HERC2: variants seen among roughly 807,000 people sequenced by gnomAD.
The protein encoded by HERC2 is E3 ubiquitin-protein ligase HERC2.
Under a neutral mutation model 537.7 loss-of-function variants are expected in HERC2, and 102 were observed. That is an observed-to-expected ratio of 0.19 (90% confidence interval 0.16 to 0.22). HERC2 has a LOEUF of 0.22. Among genes scored for constraint, HERC2 ranks in the 10% least tolerant of loss-of-function variants. The pLI is 1.00. For missense variants in HERC2, 4,236 were observed against 6,198.2 expected, an observed-to-expected ratio of 0.68 and a Z score of 10.63; for synonymous variants, 2,224 against 2,466.2, an observed-to-expected ratio of 0.90 and a Z score of 2.91.
rs1692822492 is a variant in HERC2, at chr15:28,265,818, A to G, written c.1755T>C (p.His585=). 1.9e-6 allele frequency: 3 copies of G among 1,614,142 alleles called. No homozygotes were observed. The highest frequency in any genetic ancestry group is 2.5e-6 in the Non-Finnish European group (3 of 1,180,012). ...CCCACTCATGCAGAGCAGACGTACC[A>G]TGGCCCAGCCGGCCGTAGTTCCCGC... ...WGRGNYGRLG[H]GSSEDEAIPM... The change falls in exon 13 of 93, where the codon CAT becomes CAC. Residue 585 remains histidine (H), a splice_region_variant and synonymous_variant. Transcript: ENST00000261609. This position sits in a 1 kb window ranked among gnomAD's most constrained non-coding sequence, Gnocchi z 4.0.
At chr15:28,201,683 A>G in intron 47 of HERC2, 129 bp from the exon 48 acceptor site, 1 of 669,892 alleles carries the variant, frequency 1.5e-6, no homozygotes, top group South Asian at 2.0e-5. Flanking sequence ...CTCTATAAAA[A>G]TCTTCATTTA....
intron 89 of HERC2, 93 bp from the exon 90 acceptor site, chr15:28,114,895 C>A: frequency 9.6e-7 from 1 of 1,040,330 alleles, no homozygotes; most frequent in East Asian, 2.6e-5. Context: ...CAAGCAGGAA[C>A]CAGGGTCAGC....
At chr15:28,114,894 A>C in intron 89 of HERC2, 92 bp from the exon 90 acceptor site, 2 of 1,087,880 alleles carry the variant, frequency 1.8e-6, no homozygotes, top group Non-Finnish European at 2.7e-6. Flanking sequence ...TCAAGCAGGA[A>C]CCAGGGTCAG....
chr15:28,183,726 C>A (rs999326127), intron 56 of HERC2, among the ~76,000 whole-genome samples: 5 of 152,166 alleles, frequency 3.3e-5, no homozygotes, highest in African/African-American at 1.2e-4. Flanking sequence ...GGCTTCCAGA[C>A]AGGTATCACT....
Position 28,292,231 on chromosome 15 carries a change from A to C in HERC2, c.322+657T>G, listed in dbSNP as rs199648519. ...GCAACAAGAGCCAAACTCCATCTCC[A>C]AAAAAAAAAAAAAAAAAAAAAACCA... is the stretch of plus-strand genomic sequence containing the variant. On this transcript the variant is annotated intron_variant, in intron 4 of 92. Transcript: ENST00000261609. Among the ~76,000 whole-genome samples, 3 of 6,364 alleles carry C rather than the reference A, an allele frequency of 4.7e-4. No homozygotes were observed. The Non-Finnish European group carries it at 0.013, about 28-fold the overall frequency. The allele number at this position is 6,364 out of a possible 152,430, so 4.2% of individuals were successfully genotyped here.
chr15:28,320,898 G>C (rs1292532022), intron 2 of HERC2, among the ~76,000 whole-genome samples: 1 of 151,984 alleles, frequency 6.6e-6, no homozygotes, highest in Non-Finnish European at 1.5e-5. Flanking sequence ...AAAACAAACA[G>C]CTCAACTGAA....
At chr15:28,253,447 T>C (rs999173994) in intron 20 of HERC2, among the ~76,000 whole-genome samples, 17 of 152,374 alleles carry the variant, frequency 1.1e-4, no homozygotes, top group Non-Finnish European at 1.6e-4. Flanking sequence ...AGAATCTTTT[T>C]ACATGTTTAC....
rs193287494 is a variant in HERC2, at chr15:28,220,314, T to C, written c.5845+138A>G. 8.8e-5 allele frequency: 68 copies of C among 770,300 alleles called. No individual in the cohort carries two copies. The African/African-American group carries it at 9.6e-4, about 11-fold the overall frequency. 47.7% of individuals were successfully genotyped at this position (770,300 alleles called of 1,614,324 possible). ...GGAGGTGCCTGGGAGCTTATTTAAA[T>C]TGCAGGCTCCGAGGACAGAGCGCCA... On this transcript the variant is annotated intron_variant, in intron 37 of 92. Transcript: ENST00000261609.
Position 28,144,810 on chromosome 15 carries a change from G to A in HERC2, c.11009-6C>T, listed in dbSNP as rs770646932. The A allele has an allele frequency of 6.2e-7, 1 of 1,614,072 alleles. No individual in the cohort carries two copies. The highest frequency in any genetic ancestry group is 1.7e-5 in the Admixed American group (1 of 60,032). On this transcript the variant is annotated splice_region_variant and splice_polypyrimidine_tract_variant and intron_variant, in intron 71 of 92. Coordinates refer to ENST00000261609, the MANE Select transcript of HERC2 (RefSeq NM_004667.6). ...CCAGTCGGACCACTCTCGGCCTGCG[G>A]GAGGAAAGCGCACCCCGGGGTTAGC...
chr15:28,285,131 G>A (rs929723171), intron 4 of HERC2, among the ~76,000 whole-genome samples: 2 of 151,942 alleles, frequency 1.3e-5, no homozygotes, highest in Non-Finnish European at 2.9e-5. Context: ...CTCTACAGCT[G>A]ATAAAATTAG....
Position 28,191,323 on chromosome 15 carries a change from G to T in HERC2, c.8452-79C>A, listed in dbSNP as rs1007249309. ...TAGCTACTACAATAGTATCGTTGAA[G>T]CTTGAATCTACATGAGATTTTTTCA... On this transcript the variant is annotated intron_variant, in intron 53 of 92. Transcript: ENST00000261609. 4.7e-6 allele frequency: 4 copies of T among 859,558 alleles called. No homozygotes were observed. In the African/African-American group the frequency reaches 5.1e-5, roughly 11 times the overall value. 53.2% of individuals were successfully genotyped at this position (859,558 alleles called of 1,614,324 possible).
intron 48 of HERC2, among the ~76,000 whole-genome samples, chr15:28,200,320 G>A (rs868031172): frequency 6.6e-6 from 1 of 152,124 alleles, no homozygotes; most frequent in Non-Finnish European, 1.5e-5. Context: ...GCATGAACCC[G>A]GGAGGCGGAG....
intron 3 of HERC2, among the ~76,000 whole-genome samples, chr15:28,296,318 A>T (rs1567133147): frequency 6.6e-6 from 1 of 152,052 alleles, no homozygotes; most frequent in Non-Finnish European, 1.5e-5. Context: ...TATTAAAAAT[A>T]CAACAATTAG....
chr15:28,145,329 C>T (rs1297159255), intron 71 of HERC2, among the ~76,000 whole-genome samples: 2 of 152,240 alleles, frequency 1.3e-5, no homozygotes, highest in Admixed American at 6.5e-5. Context: ...TGGTGTACTA[C>T]ACCTAAGATC....
chr15:28,252,648 C>T (rs1267382289), intron 20 of HERC2, among the ~76,000 whole-genome samples: 1 of 152,156 alleles, frequency 6.6e-6, no homozygotes, highest in Non-Finnish European at 1.5e-5. Context: ...TTTATGAGAA[C>T]AAATTCCAAG....
intron 67 of HERC2, among the ~76,000 whole-genome samples, chr15:28,168,080 A>G (rs910983900): frequency 6.6e-6 from 1 of 152,204 alleles, no homozygotes; most frequent in African/African-American, 2.4e-5. Flanking sequence ...AGGTCACATG[A>G]ACCAGACTAA....
intron 56 of HERC2, among the ~76,000 whole-genome samples, chr15:28,185,733 TGGCCTG>T (rs1896245473): frequency 6.6e-6 from 1 of 152,230 alleles, no homozygotes; most frequent in Non-Finnish European, 1.5e-5. Flanking sequence ...TCTGTACGTA[TGGCCTG>T]GGGGGAAGTT....
Position 28,202,509 on chromosome 15 carries a change from C to T in HERC2, c.7318G>A (p.Val2440Met), listed in dbSNP as rs763543082. 2.0e-5 allele frequency: 25 copies of T among 1,267,106 alleles called. No individual in the cohort carries two copies. The highest frequency in any genetic ancestry group is 2.2e-4 in the Middle Eastern group (1 of 4,456). The allele number at this position is 1,267,106 out of a possible 1,614,324, so 78.5% of individuals were successfully genotyped here. The change falls in exon 46 of 93, where the codon GTG becomes ATG. Residue 2440 changes from valine to methionine, a missense_variant. By Grantham distance (21) the Val-to-Met change is conservative. Transcript: ENST00000261609. ...SSSEATTPVA[V>M]QHIRPARVKR... is the part of the protein sequence containing the mutation. ...ACTCTGGCAGGGCGGATGTGCTGCA[C>T]GGCGACAGGCGTGGTGGCCTCACTG...
chr15:28,274,311 G>A lies in HERC2; in HGVS notation c.780C>T (p.Phe260=). The A allele has an allele frequency of 6.2e-7, 1 of 1,614,206 alleles. No individual in the cohort carries two copies. The highest frequency in any genetic ancestry group is 8.5e-7 in the Non-Finnish European group (1 of 1,180,022). ...CTCACCCCGTCACGACGGACCTGAG[G>A]AACCTGGTCGCTCTCTCCACCACCT... The part of the protein sequence containing the change: ...WLEVVERATR[F]LRSVVTGDVH... The change falls in exon 7 of 93, where the codon TTC becomes TTT. Residue 260 remains phenylalanine, a synonymous_variant. Coordinates refer to ENST00000261609, the MANE Select transcript of HERC2 (RefSeq NM_004667.6).
Sources: allele counts gnomAD v4.1 joint callset (sites outside exome capture counted in the v4.1 genomes callset), GRCh38; gene constraint gnomAD v4.1.1; non-coding constraint Gnocchi (gnomAD v3.1); transcripts MANE v1.5; gene names NCBI Gene and HGNC (gene_info 2026-07-23, HGNC 2026-07-21).